Variants in SCN8A observed in about 807,000 individuals in gnomAD.
SCN8A encodes sodium channel protein type 8 subunit alpha.
SCN8A carries 30 observed loss-of-function variants against 184.1 expected under a neutral mutation model. That is an observed-to-expected ratio of 0.16 (90% CI 0.12 to 0.22). The LOEUF (loss-of-function observed/expected upper bound fraction) is 0.22, where lower values mean the gene tolerates loss of function less well. Ranked by LOEUF, SCN8A falls within the 10% of genes least tolerant of loss-of-function variation. The pLI is 1.00. For synonymous variants in SCN8A, 852 were observed against 907.0 expected (o/e 0.94, Z 1.09); for missense variants, 1,057 against 2,498.9 (o/e 0.42, Z 12.30).
intron 11 of SCN8A, chr12:51,712,686 C>T (rs1411859828): frequency 5.7e-5 from 49 of 865,652 alleles, no homozygotes; most frequent in South Asian, 1.2e-4. Flanking sequence ...CCTCCACCAC[C>T]GCTACCATAT....
intron 18 of SCN8A, 81 bp downstream of exon 18, chr12:51,770,066 G>A: frequency 1.1e-6 from 1 of 950,010 alleles, no homozygotes; most frequent in African/African-American, 1.6e-5. Flanking sequence ...AGTGGTGGGT[G>A]AGGGGCAGCT....
chr12:51,770,141 C>T (rs1942902526), intron 18 of SCN8A, 156 bp downstream of exon 18: 1 of 635,550 alleles, frequency 1.6e-6, no homozygotes, highest in Non-Finnish European at 2.8e-6. Context: ...AGATTGTTTC[C>T]CCTATTTGTA....
chr12:51,648,296 G>A (rs1940635586), intron 1 of SCN8A, among the ~76,000 whole-genome samples: 2 of 152,148 alleles, frequency 1.3e-5, no homozygotes, highest in Non-Finnish European at 2.9e-5. Flanking sequence ...TCAAACTCCT[G>A]GCCTCAAGAA....
intron 11 of SCN8A, among the ~76,000 whole-genome samples, chr12:51,708,026 C>T (rs1311273209): frequency 6.6e-6 from 1 of 152,128 alleles, no homozygotes; most frequent in Non-Finnish European, 1.5e-5. Flanking sequence ...AAAGCCAACC[C>T]TAGACTATGT....
intron 9 of SCN8A, 90 bp from the exon 10 acceptor site, chr12:51,705,327 G>C: frequency 8.5e-7 from 1 of 1,173,996 alleles, no homozygotes; most frequent in South Asian, 1.4e-5. Flanking sequence ...AATGCAAATA[G>C]TGCCCTTACA....
chr12:51,737,665 G>C lies in SCN8A; in HGVS notation c.1999-8238G>C, dbSNP rs369338076. Reference sequence around the variant, plus strand: ...AGTAGGGAGTAGTAGTCTGAATTTTGTTAGGAGCTATAATTAAACCAGCAC... The same window carrying C: ...AGTAGGGAGTAGTAGTCTGAATTTTCTTAGGAGCTATAATTAAACCAGCAC... On this transcript the variant is annotated intron_variant, in intron 12 of 26. Transcript: ENST00000627620. Among the ~76,000 whole-genome samples the C allele has an allele frequency of 1.1e-4, 17 of 152,290 alleles. No homozygotes were observed. In the East Asian group the frequency reaches 2.5e-3, roughly 22 times the overall value.
At chr12:51,774,837 C>T (rs926758729) in intron 20 of SCN8A, among the ~76,000 whole-genome samples, 2 of 152,112 alleles carry the variant, frequency 1.3e-5, no homozygotes, top group South Asian at 2.1e-4. Flanking sequence ...GTCTTGATAC[C>T]GGACTCATCC....
At chr12:51,715,638 A>C (rs1255106503) in intron 11 of SCN8A, among the ~76,000 whole-genome samples, 3 of 121,472 alleles carry the variant, frequency 2.5e-5, no homozygotes, top group African/African-American at 6.1e-5. Flanking sequence ...AGCCTGGGTG[A>C]CAGAGCAAGT....
chr12:51,662,741 G>C, intron 1 of SCN8A, 23 bp from the exon 2 acceptor site: 6 of 1,426,688 alleles, frequency 4.2e-6, no homozygotes, highest in Non-Finnish European at 5.8e-6. Flanking sequence ...GATTAATGCT[G>C]TCTGTGTTGC....
intron 25 of SCN8A, among the ~76,000 whole-genome samples, chr12:51,791,247 A>C (rs894181140): frequency 2.6e-5 from 4 of 152,202 alleles, no homozygotes; most frequent in South Asian, 2.1e-4. Flanking sequence ...TTAATACAAA[A>C]GCTTCCCTGA....
intron 2 of SCN8A, among the ~76,000 whole-genome samples, chr12:51,666,614 T>C (rs926843804): frequency 1.3e-5 from 2 of 152,236 alleles, no homozygotes; most frequent in Non-Finnish European, 2.9e-5. Flanking sequence ...ATGATACCAG[T>C]GGAATCCTTT....
At chr12:51,723,736 G>T (rs1198338988) in intron 12 of SCN8A, among the ~76,000 whole-genome samples, 2 of 151,978 alleles carry the variant, frequency 1.3e-5, no homozygotes, top group Admixed American at 1.3e-4. Context: ...AGATTAGCCG[G>T]ATGTGGGAGG....
At chr12:51,664,725 T>G (rs1169745906) in intron 2 of SCN8A, among the ~76,000 whole-genome samples, 1 of 152,198 alleles carries the variant, frequency 6.6e-6, no homozygotes, top group Non-Finnish European at 1.5e-5. Flanking sequence ...TATTTTTCCT[T>G]TAACTTGTAT....
chr12:51,671,198 T>C (rs1340572337), intron 2 of SCN8A, among the ~76,000 whole-genome samples: 2 of 152,206 alleles, frequency 1.3e-5, no homozygotes, highest in African/African-American at 2.4e-5. Flanking sequence ...TTTGCCCCTC[T>C]TGGATTTTTA....
chr12:51,706,738 C>A (rs1005332246), intron 11 of SCN8A, 23 bp downstream of exon 11: 3 of 1,462,504 alleles, frequency 2.1e-6, no homozygotes, highest in South Asian at 3.1e-5. Context: ...TTTTTCTATA[C>A]CTTTTTCAAA....
At chr12:51,700,460 A>G (rs1941668716) in intron 7 of SCN8A, among the ~76,000 whole-genome samples, 1 of 152,160 alleles carries the variant, frequency 6.6e-6, no homozygotes, top group Non-Finnish European at 1.5e-5. Flanking sequence ...TAATACTACT[A>G]AGACTATTGC....
At chr12:51,682,885 T>TA (rs1321346988) in intron 2 of SCN8A, among the ~76,000 whole-genome samples, 2 of 151,952 alleles carry the variant, frequency 1.3e-5, no homozygotes, top group Admixed American at 6.6e-5. Context: ...GTCAATTCCC[T>TA]AAAAAAAACC....
In SCN8A at chr12:51,780,821, T is replaced by A. The variant is rs755220718; in HGVS notation, c.3942+50T>A. The A allele has an allele frequency of 2.0e-6, 3 of 1,525,032 alleles. No individual in the cohort carries two copies. The Admixed American group carries it at 7.0e-5, about 35-fold the overall frequency. 94.5% of individuals were successfully genotyped at this position (1,525,032 alleles called of 1,614,324 possible). On this transcript the variant is annotated intron_variant, in intron 21 of 26. Coordinates refer to ENST00000627620, the MANE Select transcript of SCN8A (RefSeq NM_001330260.2). ...CTTCTGCATGCCAGTGGAAACTGTT[T>A]AAGCATGCTAGAACTGATCACATGG...
chr12:51,738,463 G>A (rs766121143), intron 12 of SCN8A, among the ~76,000 whole-genome samples: 5 of 152,140 alleles, frequency 3.3e-5, no homozygotes, highest in South Asian at 4.1e-4. Flanking sequence ...TGAAATGTCC[G>A]TTCCTGTATC....
Sources: allele counts gnomAD v4.1 joint callset (sites outside exome capture counted in the v4.1 genomes callset), GRCh38; gene constraint gnomAD v4.1.1; transcripts MANE v1.5; gene names NCBI Gene and HGNC (gene_info 2026-07-23, HGNC 2026-07-21).